The following ENOX2 variants were observed in gnomAD, a reference collection of about 807,000 sequenced individuals.
ENOX2 encodes ecto-NOX disulfide-thiol exchanger 2.
In ENOX2, 36 loss-of-function variants were observed where a neutral mutation model predicts 45.0. The observed-to-expected ratio is 0.80, with a 90% CI of 0.61 to 1.06. The LOEUF is 1.06. ENOX2 is among the 50% of genes least tolerant of loss of function. The pLI is 0.00. For synonymous variants in ENOX2, 174 were observed against 152.3 expected (o/e 1.14, Z -1.05); for missense variants, 423 against 462.5 (o/e 0.91, Z 0.78).
At chrX:130,650,568 T>C (rs1463043418) in intron 10 of ENOX2, among the ~76,000 whole-genome samples, 1 of 112,414 alleles carries the variant, frequency 8.9e-6, no homozygotes, top group Non-Finnish European at 1.9e-5. Flanking sequence ...AGTTCAATAT[T>C]ACCTTTTAAT....
chrX:130,709,446 C>T lies in ENOX2; in HGVS notation c.-38-6192G>A. On this transcript the variant is annotated intron_variant, in intron 3 of 14. Transcript: ENST00000394363. ...TTGAGGTCAGGAGTTCAAGACCAGC[C>T]AGGTCAACATGGTAAAACCCAACGT... The T allele has an allele frequency of 6.0e-6, 3 of 503,350 alleles. No individual in the cohort carries two copies. The East Asian group carries it at 1.1e-4, about 18-fold the overall frequency. The allele number at this position is 503,350 out of a possible 1,213,427, so 41.5% of individuals were successfully genotyped here.
Position 130,743,877 on chromosome X carries a change from T to C in ENOX2, c.-39+39670A>G, listed in dbSNP as rs763538108. On this transcript the variant is annotated intron_variant, in intron 3 of 14. Coordinates refer to ENST00000394363, the MANE Select transcript of ENOX2 (RefSeq NM_006375.4). ...AAGGACCATCATGTGGATGAAAAGA[T>C]TAGACTTGGTCTGATGTGTTTTATA... Among the ~76,000 whole-genome samples the C allele has an allele frequency of 4.5e-5, 5 of 112,084 alleles. No homozygotes were observed. In the East Asian group the frequency reaches 1.4e-3, roughly 31 times the overall value.
rs992373318 is a variant in ENOX2, at chrX:130,669,885, G to A, written c.694+80C>T. Reference sequence around the variant, plus strand: ...TTAGTAGGAAACTCAAAGTGTAACTGTCAACAATGCAATTATATTTATGAC... The same window carrying A: ...TTAGTAGGAAACTCAAAGTGTAACTATCAACAATGCAATTATATTTATGAC... On this transcript the variant is annotated intron_variant, in intron 7 of 14. Coordinates refer to ENST00000394363, the MANE Select transcript of ENOX2 (RefSeq NM_006375.4). 9.2e-5 allele frequency: 67 copies of A among 727,605 alleles called. 1 individual carries two copies. The South Asian group carries it at 1.5e-3, about 16-fold the overall frequency. 60.0% of individuals were successfully genotyped at this position (727,605 alleles called of 1,213,427 possible). A position where few individuals can be genotyped will look rare whatever the true frequency, so the allele number is the denominator to read the frequency against.
Position 130,634,979 on chromosome X carries a change from TG to T in ENOX2, c.1419+4del. On this transcript the variant is annotated splice_donor_region_variant and intron_variant, in intron 12 of 14. Transcript: ENST00000394363. ...AGGAAAAAGGTTCACTTAGGGTGCA[TG>T]TACCTTTTCTTTAAGATTTTCCAAC... 3 of 1,065,546 alleles carry T rather than the reference TG, an allele frequency of 2.8e-6. No homozygotes were observed. The highest frequency in any genetic ancestry group is 3.9e-6 in the Non-Finnish European group (3 of 766,674). 87.8% of individuals were successfully genotyped at this position (1,065,546 alleles called of 1,213,427 possible). A position where few individuals can be genotyped will look rare whatever the true frequency, so the allele number is the denominator to read the frequency against.
intron 2 of ENOX2, among the ~76,000 whole-genome samples, chrX:130,854,547 T>A (rs1191248940): frequency 9.0e-6 from 1 of 111,111 alleles, no homozygotes; most frequent in African/African-American, 3.3e-5. Context: ...ATCCAAAAGC[T>A]GAACTAACCC....
At chrX:130,659,143 T>C (rs1165271127) in intron 9 of ENOX2, among the ~76,000 whole-genome samples, 1 of 112,174 alleles carries the variant, frequency 8.9e-6, no homozygotes, top group Non-Finnish European at 1.9e-5. Flanking sequence ...TCCGAAGTTG[T>C]CTGTGAAAAT....
chrX:130,775,153 G>A lies in ENOX2; in HGVS notation c.-39+8394C>T, dbSNP rs7887023. Among the ~76,000 whole-genome samples the A allele has an allele frequency of 3.8e-3, 427 of 111,739 alleles. 2 individuals carry two copies. Among genetic ancestry groups the A allele is most frequent in the African/African-American group, 0.013 (410 of 30,779 alleles). ...TCCCAGCACTTTGGGAGGACAAGGCGCGTGGATGGCTTGAGCTAGGAGTTC... is the reference window on the plus strand; with the variant it reads ...TCCCAGCACTTTGGGAGGACAAGGCACGTGGATGGCTTGAGCTAGGAGTTC... On this transcript the variant is annotated intron_variant, in intron 3 of 14. Coordinates refer to ENST00000394363, the MANE Select transcript of ENOX2 (RefSeq NM_006375.4).
chrX:130,778,237 C>T (rs1165531125), intron 3 of ENOX2, among the ~76,000 whole-genome samples: 1 of 111,566 alleles, frequency 9.0e-6, no homozygotes, highest in African/African-American at 3.3e-5. Flanking sequence ...GATGAGTGTT[C>T]ATCTCCTTTT....
chrX:130,687,461 C>T (rs2037478103), intron 5 of ENOX2, among the ~76,000 whole-genome samples: 1 of 112,412 alleles, frequency 8.9e-6, no homozygotes, highest in South Asian at 3.7e-4. Flanking sequence ...CTGAAAGCAA[C>T]ATGCTGAAAG....
chrX:130,676,112 A>C (rs931423344), intron 6 of ENOX2, among the ~76,000 whole-genome samples: 1 of 111,664 alleles, frequency 9.0e-6, no homozygotes, highest in South Asian at 3.8e-4. Flanking sequence ...AAATGGGGCT[A>C]CCAATGATTA....
At chrX:130,742,991 C>T (rs973042156) in intron 3 of ENOX2, among the ~76,000 whole-genome samples, 8 of 111,998 alleles carry the variant, frequency 7.1e-5, no homozygotes, top group Non-Finnish European at 1.1e-4. Context: ...GCTAGGGTGA[C>T]GGTGAAAACC....
At chrX:130,645,093 T>C (rs766649454) in intron 10 of ENOX2, among the ~76,000 whole-genome samples, 1 of 111,936 alleles carries the variant, frequency 8.9e-6, no homozygotes, top group African/African-American at 3.2e-5. Context: ...AAGAAACTTA[T>C]TAATTTAAAA....
chrX:130,840,509 TTC>T (rs892615791), intron 2 of ENOX2, among the ~76,000 whole-genome samples: 2 of 105,010 alleles, frequency 1.9e-5, no homozygotes, highest in Admixed American at 1.0e-4. Flanking sequence ...ATACAAGATT[TTC>T]TCTCTTTTAA....
intron 2 of ENOX2, among the ~76,000 whole-genome samples, chrX:130,836,122 C>T (rs1465929787): frequency 5.3e-5 from 6 of 112,319 alleles, no homozygotes; most frequent in African/African-American, 1.9e-4. Flanking sequence ...AACCATTTTA[C>T]AGGGTCACTG....
chrX:130,630,742 G>C (rs1390353805), intron 13 of ENOX2, among the ~76,000 whole-genome samples: 2 of 111,278 alleles, frequency 1.8e-5, no homozygotes, highest in African/African-American at 3.3e-5. Context: ...AGCCAAATCA[G>C]ACAGAAGTAG....
intron 2 of ENOX2, among the ~76,000 whole-genome samples, chrX:130,791,290 G>A (rs2077038270): frequency 9.0e-6 from 1 of 110,675 alleles, no homozygotes; most frequent in African/African-American, 3.3e-5. Context: ...TAAACTCCTT[G>A]AGGACAGACT....
rs767024372 is a variant in ENOX2 at position 130,626,812 on chromosome X, A to G, written c.1614+1146T>C. 7.3e-4 allele frequency among the ~76,000 whole-genome samples: 82 copies of G among 112,150 alleles called. 1 individual carries two copies. The highest frequency in any genetic ancestry group is 2.5e-3 in the African/African-American group (78 of 30,895). ...GGGCCACTGTCTTTGTTAAGAGAAC[A>G]TATGCTTAAATGACTTAACATTTTG... On this transcript the variant is annotated intron_variant, in intron 14 of 14. Coordinates refer to ENST00000394363, the MANE Select transcript of ENOX2 (RefSeq NM_006375.4).
chrX:130,634,634 G>A (rs5977330), intron 12 of ENOX2, among the ~76,000 whole-genome samples: 6,129 of 111,768 alleles, frequency 0.055, 391 homozygotes, highest in African/African-American at 0.19. Context: ...AATTAAAGGT[G>A]CTTTGTGTCA....
At chrX:130,682,794 T>C (rs1261321830) in intron 5 of ENOX2, among the ~76,000 whole-genome samples, 1 of 109,845 alleles carries the variant, frequency 9.1e-6, no homozygotes, top group Non-Finnish European at 1.9e-5. Context: ...GATTTAGGGG[T>C]ATGCCACCAA....
Sources: allele counts gnomAD v4.1 joint callset (sites outside exome capture counted in the v4.1 genomes callset), GRCh38; gene constraint gnomAD v4.1.1; transcripts MANE v1.5; gene names NCBI Gene and HGNC (gene_info 2026-07-23, HGNC 2026-07-21).